The following VSIR variants were observed in gnomAD, a reference collection of about 807,000 sequenced individuals.
VSIR encodes the protein V-type immunoglobulin domain-containing suppressor of T-cell activation.
In VSIR, 10 loss-of-function variants were observed where a neutral mutation model predicts 31.0. That is an observed-to-expected ratio of 0.32 (90% confidence interval 0.20 to 0.55). VSIR has a LOEUF of 0.55. VSIR is among the 20% of genes least tolerant of loss of function. The pLI, the probability that VSIR is intolerant of heterozygous loss-of-function variation, is 0.93. For missense variants in VSIR, 356 were observed against 416.2 expected, an observed-to-expected ratio of 0.86 and a Z score of 1.26; for synonymous variants, 179 against 180.1, an observed-to-expected ratio of 0.99 and a Z score of 0.05.
intron 4 of VSIR, among the ~76,000 whole-genome samples, 174 bp from the exon 5 acceptor site, chr10:71,753,176 G>A (rs3747857): frequency 0.25 from 37,551 of 152,204 alleles, 4,987 homozygotes; most frequent in Middle Eastern, 0.34. Context: ...CGATCTGCGT[G>A]TCTGTCCAGC....
At chr10:71,753,086 G>A (rs1292051425) in intron 4 of VSIR, 84 bp from the exon 5 acceptor site, 1 of 1,526,654 alleles carries the variant, frequency 6.6e-7, no homozygotes, top group Non-Finnish European at 8.9e-7. Context: ...CAGATGCCCT[G>A]CAGGGAACAG....
chr10:71,748,770 A>C lies in VSIR; in HGVS notation c.*2483T>G, dbSNP rs755969435. 1.3e-5 allele frequency: 2 copies of C among 152,626 alleles called. No individual in the cohort carries two copies. Among genetic ancestry groups the C allele is most frequent in the Admixed American group, 6.5e-5 (1 of 15,274 alleles). 9.5% of individuals were successfully genotyped at this position (152,626 alleles called of 1,614,324 possible). A position where few individuals can be genotyped will look rare whatever the true frequency, so the allele number is the denominator to read the frequency against. On this transcript the variant is annotated 3_prime_UTR_variant, in exon 7 of 7. Transcript: ENST00000394957. ...CCAGCCCACAGCCACCAGGGCTGGC[A>C]TCAGAGGCACTACCATCCCGGGCAA...
At chr10:71,759,994 CACACAT>C (rs1392721799) in intron 3 of VSIR, among the ~76,000 whole-genome samples, 7 of 75,760 alleles carry the variant, frequency 9.2e-5, no homozygotes, top group East Asian at 3.5e-4. Context: ...TATATACACA[CACACAT>C]ACATATATAT....
At chr10:71,752,908 A>T (rs1840041552) in intron 5 of VSIR, 67 bp downstream of exon 5, 1 of 1,574,080 alleles carries the variant, frequency 6.4e-7, no homozygotes, top group East Asian at 2.3e-5. Flanking sequence ...CCCCTACTGC[A>T]CAGAAGTATC....
At chr10:71,752,154 C>A in intron 5 of VSIR, 1 of 573,866 alleles carries the variant, frequency 1.7e-6, no homozygotes, top group South Asian at 1.6e-5. Context: ...AAATCACAGA[C>A]ACTTCTAGAA....
chr10:71,756,238 C>T (rs1384541403), intron 3 of VSIR, among the ~76,000 whole-genome samples: 2 of 152,190 alleles, frequency 1.3e-5, no homozygotes, highest in African/African-American at 2.4e-5. Context: ...CCCTGTGTGC[C>T]GGTTTTTGTG....
chr10:71,751,381 T>C lies in VSIR; in HGVS notation c.899-91A>G. ...GAGGCCGTGGAACTCTTCAGGGAGGTGAATGGGGGCCCCTCTGTCCCTCAC... is the reference window on the plus strand; with the variant it reads ...GAGGCCGTGGAACTCTTCAGGGAGGCGAATGGGGGCCCCTCTGTCCCTCAC... On this transcript the variant is annotated intron_variant, in intron 6 of 6. Transcript: ENST00000394957. The surrounding 1 kb of genome is among the most constrained non-coding windows in gnomAD (Gnocchi z 4.9). 1.4e-6 allele frequency: 1 copy of C among 726,018 alleles called. No individual in the cohort carries two copies. The highest frequency in any genetic ancestry group is 3.5e-5 in the East Asian group (1 of 28,970). 45.0% of individuals were successfully genotyped at this position (726,018 alleles called of 1,614,324 possible).
chr10:71,752,131 G>A (rs1360541077), intron 5 of VSIR: 4 of 611,694 alleles, frequency 6.5e-6, no homozygotes, highest in Non-Finnish European at 1.2e-5. Context: ...CCCGGGCACA[G>A]CCAGGAAGCC....
chr10:71,755,342 C>T lies in VSIR; in HGVS notation c.676+17G>A. The T allele has an allele frequency of 6.2e-7, 1 of 1,602,710 alleles. No individual in the cohort carries two copies. The highest frequency in any genetic ancestry group is 8.5e-7 in the Non-Finnish European group (1 of 1,173,748). On this transcript the variant is annotated intron_variant, in intron 4 of 6. Transcript: ENST00000394957. ...ACTCGCACCGTCCACCCACCCCAGGCAGGGAGGAATACTCACGGCGGTTGG... is the reference window on the plus strand; with the variant it reads ...ACTCGCACCGTCCACCCACCCCAGGTAGGGAGGAATACTCACGGCGGTTGG...
intron 1 of VSIR, among the ~76,000 whole-genome samples, chr10:71,770,737 A>C (rs1840666456): frequency 6.6e-6 from 1 of 152,186 alleles, no homozygotes; most frequent in Non-Finnish European, 1.5e-5. Flanking sequence ...TTAGCGTCTC[A>C]GCAGCACACT....
rs779074664 is a variant in VSIR, at chr10:71,761,913, C to T, written c.196G>A (p.Val66Met). 1 of 1,613,998 alleles carries T rather than the reference C, an allele frequency of 6.2e-7. No individual in the cohort carries two copies. The highest frequency in any genetic ancestry group is 8.5e-7 in the Non-Finnish European group (1 of 1,180,046). ...LLGPVDKGHD[V>M]TFYKTWYRSS... is the part of the protein sequence containing the mutation. ...CGGTACCACGTCTTGTAGAAGGTCA[C>T]ATCGTGCCCTTTGTCCACAGGGCCC... The change falls in exon 2 of 7, where the codon GTG (valine) becomes ATG (methionine). Residue 66 changes from valine to methionine, a missense_variant. Transcript: ENST00000394957.
intron 1 of VSIR, among the ~76,000 whole-genome samples, chr10:71,771,976 C>T (rs981472418): frequency 3.3e-5 from 5 of 152,222 alleles, no homozygotes; most frequent in Admixed American, 6.5e-5. Flanking sequence ...GGGCAGGTGG[C>T]CCATGACAGG....
At chr10:71,755,491 G>C in intron 3 of VSIR, 25 bp from the exon 4 acceptor site, 1 of 1,589,842 alleles carries the variant, frequency 6.3e-7, no homozygotes, top group South Asian at 1.1e-5. Context: ...AGGTAGCCAA[G>C]GTGAAGCCCC....
At position 71,760,892 on chromosome 10, in the gene VSIR, G is replaced by A. The variant is rs143030978; in HGVS notation, c.544C>T (p.Pro182Ser). 995 of 1,613,758 alleles carry A rather than the reference G, an allele frequency of 6.2e-4. 1 individual carries two copies. The highest frequency in any genetic ancestry group is 9.9e-4 in the Middle Eastern group (6 of 6,052). The change falls in exon 3 of 7, where the codon CCA becomes TCA. Residue 182 changes from proline to serine, a missense_variant. This residue lies in a region of VSIR where 190 missense variants were observed against 185.2 expected (regional missense o/e 1.03). Transcript: ENST00000394957. ...CTTTCACTATCCTGGGAGGAGGATGGGTACACCACACAGTTGGATGGTGCA... is the reference window on the plus strand; with the variant it reads ...CTTTCACTATCCTGGGAGGAGGATGAGTACACCACACAGTTGGATGGTGCA... The part of the protein sequence containing the change: ...KDAPSNCVVY[P>S]SSSQDSENIT...
In VSIR at chr10:71,755,050, G is replaced by A. The variant is rs985702247; in HGVS notation, c.676+309C>T. The A allele has an allele frequency of 9.4e-6, 5 of 530,200 alleles. No homozygotes were observed. In the African/African-American group the frequency reaches 9.4e-5, roughly 10 times the overall value. 32.8% of individuals were successfully genotyped at this position (530,200 alleles called of 1,614,324 possible). A position where few individuals can be genotyped will look rare whatever the true frequency, so the allele number is the denominator to read the frequency against. ...GTCCCCCAAGGATCTCTGAGTGGCA[G>A]CAACTTGCTTTTATAAAGCAACTTG... On this transcript the variant is annotated intron_variant, in intron 4 of 6. Coordinates refer to ENST00000394957, the MANE Select transcript of VSIR (RefSeq NM_022153.2).
chr10:71,759,938 C>CGCACACACATATATAT (rs1840277051), intron 3 of VSIR, among the ~76,000 whole-genome samples: 1 of 108,322 alleles, frequency 9.2e-6, no homozygotes, highest in African/African-American at 3.5e-5. Flanking sequence ...CACATATATA[C>CGCACACACATATATAT]ACACACACAT....
intron 3 of VSIR, among the ~76,000 whole-genome samples, chr10:71,757,213 A>G (rs1840172458): frequency 6.6e-6 from 1 of 152,238 alleles, no homozygotes. Context: ...CTAGTAAGCA[A>G]CATTTTGTGA....
At chr10:71,753,997 T>A (rs888522174) in intron 4 of VSIR, among the ~76,000 whole-genome samples, 2 of 152,214 alleles carry the variant, frequency 1.3e-5, no homozygotes, top group Non-Finnish European at 2.9e-5. Context: ...CAAAGCAGGA[T>A]GGAAATCCAC....
chr10:71,772,760 C>T (rs1200028615), intron 1 of VSIR, among the ~76,000 whole-genome samples: 1 of 152,204 alleles, frequency 6.6e-6, no homozygotes, highest in Non-Finnish European at 1.5e-5. Context: ...CAGGAATCAG[C>T]TGACCACTTA....
Sources: allele counts gnomAD v4.1 joint callset (sites outside exome capture counted in the v4.1 genomes callset), GRCh38; gene constraint gnomAD v4.1.1; regional missense constraint gnomAD v4.1.1; non-coding constraint Gnocchi (gnomAD v3.1); transcripts MANE v1.5; gene names NCBI Gene and HGNC (gene_info 2026-07-23, HGNC 2026-07-21).